LTA: variants seen among roughly 807,000 people sequenced by gnomAD.
The protein encoded by LTA is lymphotoxin-alpha.
A neutral mutation model predicts 15.1 loss-of-function variants in LTA; 6 were observed. The observed-to-expected ratio is 0.40, with a 90% confidence interval of 0.22 to 0.78. LTA has a LOEUF of 0.78. Among genes scored for constraint, LTA ranks in the 30% least tolerant of loss-of-function variants. The pLI is 0.38. For missense variants in LTA, 173 were observed against 249.5 expected, an observed-to-expected ratio of 0.69 and a Z score of 2.06; for synonymous variants, 87 against 107.3, an observed-to-expected ratio of 0.81 and a Z score of 1.17.
At chr6:31,572,865 C>G in intron 2 of LTA, 24 bp downstream of exon 2, 1 of 1,611,202 alleles carries the variant, frequency 6.2e-7, no homozygotes, top group Non-Finnish European at 8.5e-7. Context: ...AGAATGGGGG[C>G]TGCTGGGGTG....
chr6:31,566,280 G>T, the LTA span, among the ~76,000 whole-genome samples: 1 of 152,006 alleles, frequency 6.6e-6, no homozygotes, highest in Admixed American at 6.6e-5. Context: ...AGAGTTGAAG[G>T]CTGCAGTGAG....
upstream of LTA, chr6:31,571,965 C>G (rs1770848465): frequency 6.5e-6 from 1 of 154,240 alleles, no homozygotes; most frequent in Non-Finnish European, 1.5e-5. Context: ...AACCGGGCCT[C>G]CAGCTCACAC....
At chr6:31,570,261 C>CAG (rs1407502300), upstream of LTA, among the ~76,000 whole-genome samples, 1 of 152,134 alleles carries the variant, frequency 6.6e-6, no homozygotes, top group African/African-American at 2.4e-5. Flanking sequence ...GGCAAAGGGG[C>CAG]AGGTCCTCAA....
At chr6:31,569,600 C>T (rs1770730701), upstream of LTA, among the ~76,000 whole-genome samples, 1 of 152,132 alleles carries the variant, frequency 6.6e-6, no homozygotes, top group African/African-American at 2.4e-5. Flanking sequence ...CAAGACCAAC[C>T]TGGCCAACAT....
the LTA span, among the ~76,000 whole-genome samples, chr6:31,564,581 C>G: frequency 6.6e-6 from 1 of 151,816 alleles, no homozygotes; most frequent in Admixed American, 6.6e-5. Context: ...CTGCGCCCAG[C>G]CGATCTTTGT....
upstream of LTA, among the ~76,000 whole-genome samples, chr6:31,570,782 AG>A (rs1251106222): frequency 1.3e-5 from 2 of 152,206 alleles, no homozygotes; most frequent in African/African-American, 4.8e-5. Flanking sequence ...GCTGACTGAA[AG>A]AAGTCAAACA....
At chr6:31,563,024 G>T in the LTA span, among the ~76,000 whole-genome samples, 2 of 151,996 alleles carry the variant, frequency 1.3e-5, no homozygotes, top group Non-Finnish European at 2.9e-5. Context: ...GCTGGGCGTG[G>T]TGGCACACGC....
chr6:31,572,731 C>T lies in LTA; in HGVS notation c.-9-3C>T. 2.5e-6 allele frequency: 4 copies of T among 1,590,212 alleles called. No individual in the cohort carries two copies. Among genetic ancestry groups the T allele is most frequent in the South Asian group, 1.1e-5 (1 of 90,644 alleles). On this transcript the variant is annotated splice_polypyrimidine_tract_variant and splice_region_variant and intron_variant, in intron 1 of 3. Coordinates refer to ENST00000418386, the MANE Select transcript of LTA (RefSeq NM_000595.4). ...CTCTCTCTCTCTCTCTCTTTCTCTG[C>T]AGGTTCTCCCCATGACACCACCTGA...
chr6:31,567,102 CCTGA>C (rs1452624946), upstream of LTA, among the ~76,000 whole-genome samples: 2 of 151,676 alleles, frequency 1.3e-5, no homozygotes, highest in Non-Finnish European at 2.9e-5. Context: ...TTGAGATCAG[CCTGA>C]CTAACATGGT....
At chr6:31,565,866 A>G in the LTA span, among the ~76,000 whole-genome samples, 1 of 152,126 alleles carries the variant, frequency 6.6e-6, no homozygotes, top group African/African-American at 2.4e-5. Flanking sequence ...GCCTAAACAC[A>G]GGAGCCACAG....
At chr6:31,572,653 T>TTA in intron 1 of LTA, 81 bp from the exon 2 acceptor site, 1 of 939,482 alleles carries the variant, frequency 1.1e-6, no homozygotes, top group Non-Finnish European at 1.6e-6. Context: ...GGGGGTGCTC[T>TTA]CTCCCAGGGC....
At chr6:31,567,823 G>GTC (rs1399137239), upstream of LTA, among the ~76,000 whole-genome samples, 3 of 151,714 alleles carry the variant, frequency 2.0e-5, no homozygotes, top group Non-Finnish European at 4.4e-5. Context: ...CCGCCTCCCA[G>GTC]TCTCTCTCTC....
chr6:31,573,348 T>C lies in LTA; in HGVS notation c.273T>C (p.Gly91=). 1.2e-6 allele frequency: 2 copies of C among 1,613,330 alleles called. No individual in the cohort carries two copies. The highest frequency in any genetic ancestry group is 1.7e-6 in the Non-Finnish European group (2 of 1,179,786). Residue 91 remains glycine, a synonymous_variant, in exon 4 of 4, where the codon GGT becomes GGC. Transcript: ENST00000418386. The part of the protein sequence containing the change: ...ANTDRAFLQD[G]FSLSNNSLLV... Reference sequence around the variant, plus strand: ...CGGACCGTGCCTTCCTCCAGGATGGTTTCTCCTTGAGCAACAATTCTCTCC... The same window carrying C: ...CGGACCGTGCCTTCCTCCAGGATGGCTTCTCCTTGAGCAACAATTCTCTCC...
At chr6:31,571,834 G>A (rs1770840548), upstream of LTA, among the ~76,000 whole-genome samples, 1 of 152,186 alleles carries the variant, frequency 6.6e-6, no homozygotes, top group Non-Finnish European at 1.5e-5. Context: ...CGTATACTGG[G>A]ACAAGTATGA....
Position 31,572,344 on chromosome 6 carries a change from C to A in LTA, c.-112C>A, listed in dbSNP as rs945927925. 3 of 298,430 alleles carry A rather than the reference C, an allele frequency of 1.0e-5. No homozygotes were observed. Among genetic ancestry groups the A allele is most frequent in the Non-Finnish European group, 1.9e-5 (3 of 159,506 alleles). The allele number at this position is 298,430 out of a possible 1,614,324, so 18.5% of individuals were successfully genotyped here. ...CCATCTCCTTGGGCTGCCCGTGCTT[C>A]GTGCTTTGGACTACCGCCCAGCAGT... On this transcript the variant is annotated 5_prime_UTR_variant, in exon 1 of 4. Coordinates refer to ENST00000418386, the MANE Select transcript of LTA (RefSeq NM_000595.4).
At chr6:31,572,642 G>T (rs55901535) in intron 1 of LTA, 92 bp from the exon 2 acceptor site, 15 of 829,014 alleles carry the variant, frequency 1.8e-5, no homozygotes, top group Non-Finnish European at 2.0e-5. Flanking sequence ...CTCGGGGGTC[G>T]GGGGGTGCTC....
At chr6:31,563,262 G>T in the LTA span, among the ~76,000 whole-genome samples, 2 of 152,118 alleles carry the variant, frequency 1.3e-5, no homozygotes, top group South Asian at 4.1e-4. Context: ...AAAAGGATCA[G>T]TCTTGGAAAC....
upstream of LTA, among the ~76,000 whole-genome samples, chr6:31,571,302 C>T (rs1014086550): frequency 3.3e-5 from 5 of 152,040 alleles, no homozygotes; most frequent in African/African-American, 1.2e-4. Flanking sequence ...TCAAGTAATC[C>T]GCCCACCTCA....
the LTA span, among the ~76,000 whole-genome samples, chr6:31,560,871 G>T: frequency 6.6e-6 from 1 of 152,172 alleles, no homozygotes; most frequent in African/African-American, 2.4e-5. Context: ...TTTAAACCCT[G>T]CTTCAAGCTT....
Sources: allele counts gnomAD v4.1 joint callset (sites outside exome capture counted in the v4.1 genomes callset), GRCh38; gene constraint gnomAD v4.1.1; transcripts MANE v1.5; gene names NCBI Gene and HGNC (gene_info 2026-07-23, HGNC 2026-07-21).